BANF2: variants seen among roughly 807,000 people sequenced by gnomAD.
The protein encoded by BANF2 is BANF family member 2, also known as barrier-to-autointegration factor-like protein.
BANF2 carries 4 observed loss-of-function variants against 8.0 expected under a neutral mutation model. The observed-to-expected ratio is 0.50, with a 90% confidence interval of 0.25 to 1.14. The LOEUF (loss-of-function observed/expected upper bound fraction) is 1.14, where lower values mean the gene tolerates loss of function less well. Among genes scored for constraint, BANF2 ranks in the 50% most tolerant of loss-of-function variants. BANF2 has a pLI of 0.16. For synonymous variants in BANF2, 50 were observed against 40.6 expected (o/e 1.23, Z -0.88); for missense variants, 96 against 107.5 (o/e 0.89, Z 0.47).
upstream of BANF2, among the ~76,000 whole-genome samples, chr20:17,698,362 C>T (rs1478204703): frequency 6.6e-6 from 1 of 152,208 alleles, no homozygotes; most frequent in African/African-American, 2.4e-5. Context: ...GTGCTGGCAC[C>T]GTGCTTCCTG....
At position 17,722,781 on chromosome 20, in the gene BANF2, G is replaced by A. The variant is rs2037751407; in HGVS notation, c.-101G>A. Reference sequence around the variant, plus strand: ...CTGACTTCCAAAATCAGTGCCTTTGGATTCATCTCTTCCGGGAGAGTTCAG... The same window carrying A: ...CTGACTTCCAAAATCAGTGCCTTTGAATTCATCTCTTCCGGGAGAGTTCAG... On this transcript the variant is annotated 5_prime_UTR_variant, in exon 2 of 4. Transcript: ENST00000246090. 1 of 984,574 alleles carries A rather than the reference G, an allele frequency of 1.0e-6. No homozygotes were observed. 61.0% of individuals were successfully genotyped at this position (984,574 alleles called of 1,614,324 possible).
intron 1 of BANF2, among the ~76,000 whole-genome samples, chr20:17,703,773 G>A (rs1462060178): frequency 1.6e-5 from 2 of 126,064 alleles, no homozygotes; most frequent in Non-Finnish European, 3.2e-5. Context: ...ACAGTGTCTT[G>A]CTCTGTTGCC....
chr20:17,696,074 C>T (rs2037344520), upstream of BANF2, among the ~76,000 whole-genome samples: 1 of 152,188 alleles, frequency 6.6e-6, no homozygotes, highest in Non-Finnish European at 1.5e-5. Context: ...TGGACATTCA[C>T]CTGTTAATGG....
In BANF2 at chr20:17,714,211, A is replaced by G. The variant is rs543555178; in HGVS notation, c.-166-8505A>G. ...TGAGACTCTGTCAAAAAAAAAAAAA[A>G]AAAGAAAGAAAGAAAGAAAAAGAAG... On this transcript the variant is annotated intron_variant, in intron 1 of 3. Transcript: ENST00000246090. Among the ~76,000 whole-genome samples the G allele has an allele frequency of 2.7e-3, 385 of 143,198 alleles. 1 individual carries two copies. The highest frequency in any genetic ancestry group is 9.5e-3 in the African/African-American group (362 of 38,260). The allele number at this position is 143,198 out of a possible 152,430, so 93.9% of individuals were successfully genotyped here.
intron 3 of BANF2, among the ~76,000 whole-genome samples, chr20:17,731,842 A>T (rs1252804255): frequency 1.3e-5 from 2 of 150,484 alleles, no homozygotes; most frequent in African/African-American, 4.9e-5. Context: ...CGAGGCGGGC[A>T]GATCACGAGG....
chr20:17,694,009 C>A (rs534451670), intron 1 of BANF2, among the ~76,000 whole-genome samples: 1 of 152,322 alleles, frequency 6.6e-6, no homozygotes, highest in South Asian at 2.1e-4. Context: ...GCAGCATTTG[C>A]CTCACAGTCT....
intron 3 of BANF2, among the ~76,000 whole-genome samples, chr20:17,735,049 G>A (rs554370266): frequency 6.6e-6 from 1 of 152,040 alleles, no homozygotes; most frequent in Non-Finnish European, 1.5e-5. Flanking sequence ...ATTGCACTCC[G>A]GCCTGGGCGA....
chr20:17,700,101 C>CAACA, intron 1 of BANF2, 46 bp downstream of exon 1: 1 of 760,576 alleles, frequency 1.3e-6, no homozygotes, highest in Non-Finnish European at 1.6e-6. Flanking sequence ...GAGATACAGC[C>CAACA]AACAGCTGGC....
intron 3 of BANF2, among the ~76,000 whole-genome samples, chr20:17,734,647 T>C (rs891066692): frequency 6.6e-6 from 1 of 152,176 alleles, no homozygotes; most frequent in Non-Finnish European, 1.5e-5. Context: ...TTGGGGATGG[T>C]TATGATTGTC....
At chr20:17,702,469 T>G (rs971509359) in intron 1 of BANF2, among the ~76,000 whole-genome samples, 6 of 152,334 alleles carry the variant, frequency 3.9e-5, no homozygotes, top group African/African-American at 1.2e-4. Flanking sequence ...ATAGTAGCCA[T>G]GCTCTGTTCT....
At chr20:17,693,954 G>A (rs6080782) in intron 1 of BANF2, among the ~76,000 whole-genome samples, 44,969 of 152,158 alleles carry the variant, frequency 0.3, 6,872 homozygotes, top group African/African-American at 0.37. Flanking sequence ...TATGGCCGAC[G>A]GGCACGTCTT....
At chr20:17,722,274 C>T (rs529415029) in intron 1 of BANF2, among the ~76,000 whole-genome samples, 4 of 152,352 alleles carry the variant, frequency 2.6e-5, no homozygotes, top group East Asian at 1.9e-4. Context: ...AAGCATTACC[C>T]GTCTTTGATG....
At chr20:17,731,625 A>G (rs1027440543) in intron 3 of BANF2, 2 of 151,622 alleles carry the variant, frequency 1.3e-5, no homozygotes, top group African/African-American at 4.8e-5. Context: ...GTGTAGTGGC[A>G]CGTGCTTGTA....
At position 17,717,560 on chromosome 20, in the gene BANF2, T is replaced by C. The variant is rs114556698; in HGVS notation, c.-166-5156T>C. Among the ~76,000 whole-genome samples, 469 of 152,240 alleles carry C rather than the reference T, an allele frequency of 3.1e-3. 3 individuals are homozygous for C. The highest frequency in any genetic ancestry group is 0.011 in the African/African-American group (452 of 41,522). On this transcript the variant is annotated intron_variant, in intron 1 of 3. Coordinates refer to ENST00000246090, the MANE Select transcript of BANF2 (RefSeq NM_178477.5). ...CATCTAGGCTAGTTTCCCTATATGG[T>C]CATTAGGGTTAGCTCAGAGCTTCCT...
intron 1 of BANF2, among the ~76,000 whole-genome samples, chr20:17,693,920 TGGGCA>T (rs1435319584): frequency 1.3e-5 from 2 of 152,206 alleles, no homozygotes; most frequent in Non-Finnish European, 2.9e-5. Flanking sequence ...TGGAGCCTGA[TGGGCA>T]GTGGCAAGCG....
intron 1 of BANF2, among the ~76,000 whole-genome samples, chr20:17,715,077 G>A (rs2037631071): frequency 6.6e-6 from 1 of 152,156 alleles, no homozygotes; most frequent in South Asian, 2.1e-4. Flanking sequence ...GAGGTGACAG[G>A]CCCAATGTCG....
intron 3 of BANF2, among the ~76,000 whole-genome samples, chr20:17,727,555 C>T: frequency 6.6e-6 from 1 of 151,982 alleles, no homozygotes; most frequent in African/African-American, 2.4e-5. Context: ...TCCGGCTGGG[C>T]CTGTAGTGAG....
intron 1 of BANF2, among the ~76,000 whole-genome samples, chr20:17,710,080 C>T (rs2037546751): frequency 1.3e-5 from 2 of 152,206 alleles, no homozygotes. Context: ...TAATGTGGGA[C>T]AGGCCCCAGA....
At chr20:17,709,741 T>C (rs1273230807) in intron 1 of BANF2, among the ~76,000 whole-genome samples, 1 of 152,160 alleles carries the variant, frequency 6.6e-6, no homozygotes, top group East Asian at 1.9e-4. Flanking sequence ...ATGCCATAGG[T>C]CAGTTAATTT....
Sources: gnomAD v4.1 joint callset for allele counts (sites outside exome capture counted in the v4.1 genomes callset) on GRCh38, gnomAD v4.1.1 for gene constraint, MANE v1.5 for transcripts, NCBI Gene and HGNC (gene_info 2026-07-23, HGNC 2026-07-21) for gene names.